The following LINC00632 variants were observed in gnomAD, a reference collection of about 807,000 sequenced individuals.
LINC00632 encodes the protein long independently transcribed non-coding RNA 632.
chrX:140,713,748 A>G (rs1252074062), intron 2 of LINC00632: 1 of 341,686 alleles, frequency 2.9e-6, no homozygotes, highest in Non-Finnish European at 5.9e-6. Context: ...TCCCCGTATC[A>G]TTAGACTCTC....
At chrX:140,716,527 G>T (rs965231422) in intron 2 of LINC00632, among the ~76,000 whole-genome samples, 1 of 109,500 alleles carries the variant, frequency 9.1e-6, no homozygotes, top group Non-Finnish European at 1.9e-5. Flanking sequence ...CAACAAGAAG[G>T]CTCACCATAT....
At chrX:140,722,121 G>A (rs142377735) in intron 2 of LINC00632, among the ~76,000 whole-genome samples, 1,440 of 111,026 alleles carry the variant, frequency 0.013, 22 homozygotes, top group African/African-American at 0.044. Context: ...TAGAAACAAT[G>A]GACAAAGTTC....
intron 2 of LINC00632, among the ~76,000 whole-genome samples, chrX:140,730,488 C>G (rs935151623): frequency 9.0e-6 from 1 of 110,734 alleles, no homozygotes; most frequent in Non-Finnish European, 1.9e-5. Flanking sequence ...AGCCTTGCAC[C>G]ACTACACAGA....
rs146875374 is a variant in LINC00632 at position 140,735,191 on chromosome X, G to T, written n.191+1227G>T. ...CTGTCCTTCATTTTTATAGATAAAAGAACTCAGAAAATTTTGTTCCCATAA... is the reference window on the plus strand; with the variant it reads ...CTGTCCTTCATTTTTATAGATAAAATAACTCAGAAAATTTTGTTCCCATAA... On this transcript the variant is annotated intron_variant and non_coding_transcript_variant, in intron 3 of 4. Coordinates refer to ENST00000648200, the Ensembl canonical transcript of LINC00632. Among the ~76,000 whole-genome samples the T allele has an allele frequency of 5.7e-3, 637 of 111,621 alleles. 5 individuals are homozygous for T. Among genetic ancestry groups the T allele is most frequent in the African/African-American group, 0.02 (608 of 30,729 alleles).
intron 2 of LINC00632, chrX:140,713,841 C>G: frequency 6.5e-6 from 2 of 307,299 alleles, no homozygotes; most frequent in Middle Eastern, 4.7e-4. Flanking sequence ...CTTGCCCCCC[C>G]ATAAGGACTC....
chrX:140,788,311 GATT>G (rs1024652592), exon 5 of LINC00632, among the ~76,000 whole-genome samples: 9 of 109,922 alleles, frequency 8.2e-5, no homozygotes, highest in African/African-American at 1.3e-4. Flanking sequence ...ATAATTTTAT[GATT>G]ATTATTAACA....
intron 2 of LINC00632, among the ~76,000 whole-genome samples, chrX:140,731,100 A>G (rs1250872929): frequency 9.0e-6 from 1 of 110,869 alleles, no homozygotes; most frequent in African/African-American, 3.3e-5. Flanking sequence ...ACGGAGTTTC[A>G]TCATATTGGC....
At chrX:140,790,934 C>T (rs1198855995) in exon 5 of LINC00632, among the ~76,000 whole-genome samples, 1 of 111,168 alleles carries the variant, frequency 9.0e-6, no homozygotes, top group Non-Finnish European at 1.9e-5. Flanking sequence ...CACAATCATG[C>T]CATTTGTAAA....
At chrX:140,720,086 C>CAA (rs777219784) in intron 2 of LINC00632, among the ~76,000 whole-genome samples, 19 of 56,310 alleles carry the variant, frequency 3.4e-4, no homozygotes, top group Non-Finnish European at 4.7e-4. Context: ...GACTCCGTCT[C>CAA]AAAAAAAAAA....
At chrX:140,774,795 C>T (rs976187668) in exon 5 of LINC00632, among the ~76,000 whole-genome samples, 2 of 111,034 alleles carry the variant, frequency 1.8e-5, no homozygotes, top group Admixed American at 9.6e-5. Flanking sequence ...TACTCATGTC[C>T]TTGCCTCATT....
At chrX:140,785,644 C>G (rs1255509245) in exon 5 of LINC00632, among the ~76,000 whole-genome samples, 2 of 112,126 alleles carry the variant, frequency 1.8e-5, no homozygotes, top group Non-Finnish European at 3.8e-5. Context: ...ACTACCATTC[C>G]CTTGGACCTG....
intron 2 of LINC00632, chrX:140,714,822 C>CAA (rs774634735): frequency 6.4e-5 from 2 of 31,272 alleles, no homozygotes; most frequent in African/African-American, 1.8e-4. Flanking sequence ...AACTTTGCCT[C>CAA]AAAAAAAATA....
exon 5 of LINC00632, among the ~76,000 whole-genome samples, chrX:140,778,800 T>A (rs1310204795): frequency 9.0e-6 from 1 of 111,661 alleles, no homozygotes; most frequent in Non-Finnish European, 1.9e-5. Context: ...TGATCTTAGT[T>A]GTCATAGAAA....
chrX:140,732,032 C>T (rs772588467), intron 2 of LINC00632, among the ~76,000 whole-genome samples: 6 of 110,680 alleles, frequency 5.4e-5, no homozygotes, highest in Non-Finnish European at 5.7e-5. Context: ...GGTGAAACCC[C>T]GTCTCCACTA....
intron 2 of LINC00632, among the ~76,000 whole-genome samples, chrX:140,726,116 A>T (rs1569349345): frequency 1.1e-5 from 1 of 90,815 alleles, no homozygotes; most frequent in Non-Finnish European, 2.0e-5. Flanking sequence ...ACACACAAAT[A>T]AAAAAAAACC....
chrX:140,772,015 T>C, intron 3 of LINC00632: 1 of 269,100 alleles, frequency 3.7e-6, no homozygotes, highest in East Asian at 5.4e-5. Context: ...ATTTATAAGC[T>C]ACTCATTTAG....
intron 2 of LINC00632, among the ~76,000 whole-genome samples, chrX:140,723,619 C>G (rs1602734775): frequency 2.2e-5 from 1 of 44,910 alleles, no homozygotes; most frequent in African/African-American, 1.4e-4. Flanking sequence ...CATAAACACA[C>G]ACACATTCCA....
chrX:140,725,484 T>TAC (rs1406473240), intron 2 of LINC00632, among the ~76,000 whole-genome samples: 1 of 109,619 alleles, frequency 9.1e-6, no homozygotes, highest in Non-Finnish European at 1.9e-5. Flanking sequence ...ACACATTCCA[T>TAC]ACACACACAG....
At chrX:140,781,719 G>A (rs1931936893) in exon 5 of LINC00632, among the ~76,000 whole-genome samples, 1 of 111,519 alleles carries the variant, frequency 9.0e-6, no homozygotes, top group African/African-American at 3.3e-5. Flanking sequence ...TTTGGCGTTA[G>A]AGCAGGGCAT....
Sources: allele counts gnomAD v4.1 joint callset (sites outside exome capture counted in the v4.1 genomes callset), GRCh38; gene constraint gnomAD v4.1.1; transcripts MANE v1.5; gene names NCBI Gene and HGNC (gene_info 2026-07-23, HGNC 2026-07-21).